The following EIF4E1B variants were observed in gnomAD, a reference collection of about 807,000 sequenced individuals.
EIF4E1B encodes eukaryotic translation initiation factor 4E type 1B.
Under a neutral mutation model 31.3 loss-of-function variants are expected in EIF4E1B, and 22 were observed. The observed-to-expected ratio is 0.70, with a 90% CI of 0.50 to 1.00. The LOEUF (loss-of-function observed/expected upper bound fraction) is 1.00, where lower values mean the gene tolerates loss of function less well. Ranked by LOEUF, EIF4E1B falls within the 50% of genes least tolerant of loss-of-function variation. The pLI, the probability that EIF4E1B is intolerant of heterozygous loss-of-function variation, is 0.00. For synonymous variants in EIF4E1B, 126 were observed against 120.2 expected, an observed-to-expected ratio of 1.05 and a Z score of -0.31; for missense variants, 290 against 311.6, an observed-to-expected ratio of 0.93 and a Z score of 0.52.
chr5:176,644,270 G>C (rs1222335675), intron 5 of EIF4E1B, 106 bp from the exon 6 acceptor site: 1 of 1,207,576 alleles, frequency 8.3e-7, no homozygotes. Context: ...GTAAGCAAAG[G>C]CTTGGAGGCC....
At chr5:176,643,404 G>T in intron 4 of EIF4E1B, 138 bp downstream of exon 4, 1 of 1,168,462 alleles carries the variant, frequency 8.6e-7, no homozygotes, top group Non-Finnish European at 1.2e-6. Flanking sequence ...CCTAAGCCTT[G>T]GGCCCTGTTG....
intron 6 of EIF4E1B, among the ~76,000 whole-genome samples, chr5:176,644,835 C>T (rs1403060275): frequency 6.6e-6 from 1 of 152,222 alleles, no homozygotes; most frequent in Non-Finnish European, 1.5e-5. Context: ...TCCCCCTTGC[C>T]TGCATTGGGG....
At chr5:176,635,726 C>T (rs190880871) in intron 1 of EIF4E1B, among the ~76,000 whole-genome samples, 16 of 152,328 alleles carry the variant, frequency 1.1e-4, no homozygotes, top group Non-Finnish European at 4.4e-5. Flanking sequence ...AAGATGGCTG[C>T]TGCAGCTCCT....
chr5:176,643,224 G>T lies in EIF4E1B; in HGVS notation c.158G>T (p.Gly53Val), dbSNP rs780180060. ...LSLRGKARTG[G>V]PMEVKLELHP... ...CTGAGAGGGAAGGCCCGGACGGGGG[G>T]CCCCATGGAAGTCAAGCTGGAGCTG... Residue 53 changes from glycine to valine, a missense_variant, in exon 4 of 9, where the codon GGC (glycine) becomes GTC (valine). Gly to Val is a moderately radical substitution (Grantham distance 109). Transcript: ENST00000318682. 52 of 1,612,830 alleles carry T rather than the reference G, an allele frequency of 3.2e-5. No homozygotes were observed. In the East Asian group the frequency reaches 7.8e-4, roughly 24 times the overall value.
intron 6 of EIF4E1B, among the ~76,000 whole-genome samples, chr5:176,644,818 T>G (rs1375445074): frequency 6.6e-6 from 1 of 152,220 alleles, no homozygotes; most frequent in Non-Finnish European, 1.5e-5. Context: ...CAGCCAAGCC[T>G]GGGATGTCCC....
At position 176,645,243 on chromosome 5, in the gene EIF4E1B, G is replaced by A. The variant is rs1316494602; in HGVS notation, c.474G>A (p.Thr158=). The change falls in exon 7 of 9, where the codon ACG becomes ACA. Residue 158 remains threonine, a splice_region_variant and synonymous_variant. Coordinates refer to ENST00000318682, the MANE Select transcript of EIF4E1B (RefSeq NM_001099408.2). The surrounding 1 kb of genome is among the most constrained non-coding windows in gnomAD (Gnocchi z 5.4). ...AGCTGGACCGGCTGTGGCTGGAGAC[G>A]GTGAGTTGGAGGAGGAGGGTCCTCA... The part of the protein sequence containing the change: ...HIELDRLWLE[T]LLCLIGESFE... 8.1e-6 allele frequency: 13 copies of A among 1,598,912 alleles called. No homozygotes were observed. Among genetic ancestry groups the A allele is most frequent in the South Asian group, 1.1e-5 (1 of 89,124 alleles).
chr5:176,631,178 A>G (rs1319913976), intron 1 of EIF4E1B, 114 bp downstream of exon 1: 1 of 152,308 alleles, frequency 6.6e-6, no homozygotes, highest in African/African-American at 2.4e-5. Flanking sequence ...GACTCCAGAG[A>G]GGCACCATGA....
rs779126575 is a variant in EIF4E1B at position 176,645,865 on chromosome 5, G to A, written c.615-1G>A. Reference sequence around the variant, plus strand: ...TTCCTCTGTGTCCCCCGCACCTGCAGGCGTGTATACAAAGAGCGCCTGGGC... The same window carrying A: ...TTCCTCTGTGTCCCCCGCACCTGCAAGCGTGTATACAAAGAGCGCCTGGGC... On this transcript the variant is annotated splice_acceptor_variant, in intron 8 of 8. Coordinates refer to ENST00000318682, the MANE Select transcript of EIF4E1B (RefSeq NM_001099408.2). LOFTEE classifies it high-confidence loss of function. This position sits in a 1 kb window ranked among gnomAD's most constrained non-coding sequence, Gnocchi z 5.4. The A allele has an allele frequency of 1.7e-5, 27 of 1,583,686 alleles. No individual in the cohort carries two copies. Among genetic ancestry groups the A allele is most frequent in the Non-Finnish European group, 2.3e-5 (27 of 1,165,248 alleles).
chr5:176,631,812 T>C (rs537153441), intron 1 of EIF4E1B, among the ~76,000 whole-genome samples: 4 of 152,346 alleles, frequency 2.6e-5, no homozygotes, highest in African/African-American at 9.6e-5. Flanking sequence ...CTTCCAGGAA[T>C]TGATCCCGTG....
chr5:176,632,658 C>T (rs1163597487), intron 1 of EIF4E1B, among the ~76,000 whole-genome samples: 3 of 152,180 alleles, frequency 2.0e-5, no homozygotes, highest in African/African-American at 4.8e-5. Flanking sequence ...CATTGCCTTC[C>T]TTACTGGTGC....
At chr5:176,635,794 C>A (rs1003987598) in intron 1 of EIF4E1B, among the ~76,000 whole-genome samples, 1 of 152,040 alleles carries the variant, frequency 6.6e-6, no homozygotes, top group Non-Finnish European at 1.5e-5. Context: ...AGAATATCTG[C>A]CAGTTGTCTG....
At chr5:176,631,601 G>C (rs1301182428) in intron 1 of EIF4E1B, among the ~76,000 whole-genome samples, 1 of 151,220 alleles carries the variant, frequency 6.6e-6, no homozygotes, top group East Asian at 1.9e-4. Context: ...AATGCAGGGT[G>C]TGTAAGTGAC....
rs1276867013 is a variant in EIF4E1B at position 176,642,756 on chromosome 5, C to A, written c.-32C>A. On this transcript the variant is annotated 5_prime_UTR_variant, in exon 3 of 9. Coordinates refer to ENST00000318682, the MANE Select transcript of EIF4E1B (RefSeq NM_001099408.2). ...GGCTTGGTCACAGCTGCTTCCCCAG[C>A]CCCAGGCCTGCACGAAGAAGGCACT... 8 of 1,558,690 alleles carry A rather than the reference C, an allele frequency of 5.1e-6. No homozygotes were observed. The highest frequency in any genetic ancestry group is 6.1e-6 in the Non-Finnish European group (7 of 1,151,418).
intron 1 of EIF4E1B, among the ~76,000 whole-genome samples, chr5:176,640,849 A>G (rs939402653): frequency 6.6e-6 from 1 of 152,152 alleles, no homozygotes; most frequent in Non-Finnish European, 1.5e-5. Context: ...GCCCCAGGGC[A>G]TTTGCACATA....
At chr5:176,641,200 A>G (rs766182588) in intron 1 of EIF4E1B, among the ~76,000 whole-genome samples, 2 of 152,110 alleles carry the variant, frequency 1.3e-5, no homozygotes, top group Non-Finnish European at 2.9e-5. Flanking sequence ...GTGGTGGTGC[A>G]TGCCTGTAGT....
chr5:176,640,368 G>A (rs954513616), intron 1 of EIF4E1B, among the ~76,000 whole-genome samples: 2 of 152,218 alleles, frequency 1.3e-5, no homozygotes, highest in Admixed American at 6.5e-5. Context: ...GTCCTACTGA[G>A]CACTACCCAC....
chr5:176,642,601 C>A, intron 2 of EIF4E1B, 109 bp from the exon 3 acceptor site: 1 of 886,136 alleles, frequency 1.1e-6, no homozygotes, highest in Non-Finnish European at 1.7e-6. Flanking sequence ...AGTGTCTCTG[C>A]TTCTGCCATC....
At chr5:176,633,165 G>A (rs770838500) in intron 1 of EIF4E1B, among the ~76,000 whole-genome samples, 9 of 152,178 alleles carry the variant, frequency 5.9e-5, no homozygotes, top group South Asian at 2.1e-4. Context: ...GGTCTCCAGC[G>A]TGGATTTTCT....
rs773912010 is a variant in EIF4E1B at position 176,643,712 on chromosome 5, G to A, written c.274G>A (p.Asp92Asn). The change falls in exon 5 of 9, where the codon GAC becomes AAC. Residue 92 changes from aspartate to asparagine, a missense_variant. Asp to Asn is a conservative substitution (Grantham distance 23). Coordinates refer to ENST00000318682, the MANE Select transcript of EIF4E1B (RefSeq NM_001099408.2). ...CAACCTGCACCTGGTCACCAAGGTG[G>A]ACACTGTGGAGGACTTCTGGGCGTG... ...QDNLHLVTKVDTVEDFWALYS... is the reference protein window; with the variant it reads ...QDNLHLVTKVNTVEDFWALYS... 1.2e-6 allele frequency: 2 copies of A among 1,613,120 alleles called. No homozygotes were observed. Among genetic ancestry groups the A allele is most frequent in the South Asian group, 1.1e-5 (1 of 90,814 alleles).
Sources: gnomAD v4.1 joint callset for allele counts (sites outside exome capture counted in the v4.1 genomes callset) on GRCh38, gnomAD v4.1.1 for gene constraint, Gnocchi (gnomAD v3.1) non-coding constraint, MANE v1.5 for transcripts, NCBI Gene and HGNC (gene_info 2026-07-23, HGNC 2026-07-21) for gene names.